The following LRRTM4 variants were observed in gnomAD, a reference collection of about 807,000 sequenced individuals.
The protein encoded by LRRTM4 is leucine-rich repeat transmembrane neuronal protein 4.
LRRTM4 carries 25 observed loss-of-function variants against 47.6 expected under a neutral mutation model. The observed-to-expected ratio is 0.53, with a 90% CI of 0.38 to 0.73. LRRTM4 has a LOEUF of 0.73. Ranked by LOEUF, LRRTM4 falls within the 30% of genes least tolerant of loss-of-function variation. The pLI, the probability that LRRTM4 is intolerant of heterozygous loss-of-function variation, is 0.00. For synonymous variants in LRRTM4, 311 were observed against 269.5 expected, an observed-to-expected ratio of 1.15 and a Z score of -1.51; for missense variants, 638 against 713.4, an observed-to-expected ratio of 0.89 and a Z score of 1.20.
At chr2:76,973,834 C>T (rs2103947225) in intron 3 of LRRTM4, among the ~76,000 whole-genome samples, 1 of 151,956 alleles carries the variant, frequency 6.6e-6, no homozygotes, top group African/African-American at 2.4e-5. Flanking sequence ...CATCATTTGT[C>T]ATTTATTCTG....
At chr2:77,033,949 T>A (rs1158466335) in intron 3 of LRRTM4, among the ~76,000 whole-genome samples, 1 of 151,822 alleles carries the variant, frequency 6.6e-6, no homozygotes, top group Non-Finnish European at 1.5e-5. Flanking sequence ...GACCAGAATA[T>A]CTGAGGCTGA....
At chr2:77,158,096 G>C (rs890591144) in intron 3 of LRRTM4, among the ~76,000 whole-genome samples, 2 of 152,178 alleles carry the variant, frequency 1.3e-5, no homozygotes, top group African/African-American at 4.8e-5. Context: ...GTAAATGTCA[G>C]AATAGTGATT....
At chr2:76,816,413 C>A (rs749894945) in intron 3 of LRRTM4, among the ~76,000 whole-genome samples, 1 of 151,840 alleles carries the variant, frequency 6.6e-6, no homozygotes, top group Non-Finnish European at 1.5e-5. Flanking sequence ...ATCTACTCAA[C>A]GGAACTGAAA....
intron 3 of LRRTM4, among the ~76,000 whole-genome samples, chr2:77,341,330 C>T (rs1414525383): frequency 6.6e-6 from 1 of 152,004 alleles, no homozygotes; most frequent in Middle Eastern, 3.4e-3. Flanking sequence ...GCTTTTGAGT[C>T]TTTGTTTATG....
intron 3 of LRRTM4, among the ~76,000 whole-genome samples, chr2:77,239,196 A>G (rs913387136): frequency 3.2e-4 from 49 of 151,954 alleles, no homozygotes; most frequent in African/African-American, 1.1e-3. Context: ...TGTATATGAC[A>G]ACAATAGTGC....
intron 3 of LRRTM4, among the ~76,000 whole-genome samples, chr2:77,456,528 C>CA: frequency 6.6e-6 from 1 of 152,064 alleles, no homozygotes; most frequent in East Asian, 1.9e-4. Context: ...TTCTCTCCAA[C>CA]ATGCTCATTC....
chr2:76,800,925 C>G (rs13390877), intron 3 of LRRTM4, among the ~76,000 whole-genome samples: 17,132 of 150,860 alleles, frequency 0.11, 1,330 homozygotes, highest in Non-Finnish European at 0.15. Context: ...CTCATCATCA[C>G]TGGCCATCAG....
At chr2:76,987,352 A>G (rs1246547799) in intron 3 of LRRTM4, 1 of 151,888 alleles carries the variant, frequency 6.6e-6, no homozygotes, top group East Asian at 1.9e-4. Flanking sequence ...ATAAAACTCT[A>G]AAGAATTATC....
intron 3 of LRRTM4, among the ~76,000 whole-genome samples, chr2:76,870,709 G>A (rs758051911): frequency 4.6e-5 from 7 of 152,010 alleles, no homozygotes; most frequent in Non-Finnish European, 8.8e-5. Context: ...GATTTTCTTC[G>A]GTAGAAAAAG....
At position 76,948,562 on chromosome 2, in the gene LRRTM4, T is replaced by C. The variant is rs139430566; in HGVS notation, c.1552-199646A>G. On this transcript the variant is annotated intron_variant, in intron 3 of 3. Transcript: ENST00000409884. Reference sequence around the variant, plus strand: ...TGGAATCAATTTCTTGGGCTGATTATGATTCTGCAGGTGTTATATGGTAAC... The same window carrying C: ...TGGAATCAATTTCTTGGGCTGATTACGATTCTGCAGGTGTTATATGGTAAC... Among the ~76,000 whole-genome samples the C allele has an allele frequency of 5.1e-3, 779 of 152,000 alleles. 14 individuals carry two copies. Among genetic ancestry groups the C allele is most frequent in the African/African-American group, 0.018 (733 of 41,552 alleles).
intron 3 of LRRTM4, among the ~76,000 whole-genome samples, chr2:77,498,687 A>G (rs1678455856): frequency 6.6e-6 from 1 of 151,766 alleles, no homozygotes; most frequent in African/African-American, 2.4e-5. Context: ...ACTTACTCCT[A>G]ACATTGCCTC....
At chr2:77,115,026 G>T (rs1244611814) in intron 3 of LRRTM4, among the ~76,000 whole-genome samples, 1 of 152,082 alleles carries the variant, frequency 6.6e-6, no homozygotes, top group African/African-American at 2.4e-5. Context: ...GGGTACTGCA[G>T]GAGACCAGGG....
chr2:77,207,617 G>C (rs1327951646), intron 3 of LRRTM4, among the ~76,000 whole-genome samples: 1 of 151,344 alleles, frequency 6.6e-6, no homozygotes, highest in East Asian at 1.9e-4. Context: ...AGGTCTCCTT[G>C]ATGTCTCGTT....
rs918129814 is a variant in LRRTM4, at chr2:76,758,564, G to T, written c.1552-9648C>A. Among the ~76,000 whole-genome samples the T allele has an allele frequency of 7.2e-5, 11 of 152,172 alleles. No individual in the cohort carries two copies. In the East Asian group the frequency reaches 1.5e-3, roughly 21 times the overall value. On this transcript the variant is annotated intron_variant, in intron 3 of 3. Coordinates refer to ENST00000409884, the MANE Select transcript of LRRTM4 (RefSeq NM_001134745.3). ...AAGGGGAGAAGCCCATTTAGAAAATGCAATTAAAATTTTTATTCTGATTGA... is the reference window on the plus strand; with the variant it reads ...AAGGGGAGAAGCCCATTTAGAAAATTCAATTAAAATTTTTATTCTGATTGA...
At chr2:77,498,895 A>C (rs1013584328) in intron 3 of LRRTM4, among the ~76,000 whole-genome samples, 13 of 151,978 alleles carry the variant, frequency 8.6e-5, no homozygotes, top group Admixed American at 5.9e-4. Flanking sequence ...AAATTCTCTC[A>C]ATTTAGAAGT....
At chr2:76,834,015 A>G (rs1671434467) in intron 3 of LRRTM4, among the ~76,000 whole-genome samples, 1 of 121,808 alleles carries the variant, frequency 8.2e-6, no homozygotes, top group Non-Finnish European at 1.6e-5. Flanking sequence ...TTTTTCATTT[A>G]TTTATTATTT....
At chr2:76,882,257 T>A (rs1254639842) in intron 3 of LRRTM4, among the ~76,000 whole-genome samples, 2 of 152,150 alleles carry the variant, frequency 1.3e-5, no homozygotes, top group Non-Finnish European at 2.9e-5. Context: ...AAAGTACTTT[T>A]TGTGTAGGAG....
chr2:77,165,978 AAGAAAT>A (rs1313845612), intron 3 of LRRTM4, among the ~76,000 whole-genome samples: 1 of 152,202 alleles, frequency 6.6e-6, no homozygotes, highest in African/African-American at 2.4e-5. Context: ...AGGCAGGAGA[AAGAAAT>A]AGAGGGAATT....
At chr2:77,371,659 C>A (rs188589148) in intron 3 of LRRTM4, among the ~76,000 whole-genome samples, 1 of 151,812 alleles carries the variant, frequency 6.6e-6, no homozygotes, top group East Asian at 1.9e-4. Flanking sequence ...GGGGGGTCCT[C>A]CTTTCTGCTC....
Sources: allele counts gnomAD v4.1 joint callset (sites outside exome capture counted in the v4.1 genomes callset), GRCh38; gene constraint gnomAD v4.1.1; transcripts MANE v1.5; gene names NCBI Gene and HGNC (gene_info 2026-07-23, HGNC 2026-07-21).